The following ERICH1 variants were observed in gnomAD, a reference collection of about 807,000 sequenced individuals.
ERICH1 encodes the protein glutamate-rich protein 1.
ERICH1 carries 56 observed loss-of-function variants against 39.6 expected under a neutral mutation model. The ratio of observed to expected loss-of-function variants is 1.41; its 90% confidence interval spans 1.14 to 1.77. The LOEUF is 1.77. Ranked by LOEUF, ERICH1 falls within the 40% of genes most tolerant of loss-of-function variation. The pLI, the probability that ERICH1 is intolerant of heterozygous loss-of-function variation, is 0.00. For missense variants in ERICH1, 826 were observed against 575.4 expected, an observed-to-expected ratio of 1.44 and a Z score of -4.45; for synonymous variants, 313 against 223.6, an observed-to-expected ratio of 1.40 and a Z score of -3.57.
chr8:682,439 C>T (rs570763604), intron 3 of ERICH1, among the ~76,000 whole-genome samples: 1 of 152,302 alleles, frequency 6.6e-6, no homozygotes, highest in South Asian at 2.1e-4. Flanking sequence ...GGCCCTTTTA[C>T]CCTGTTGCAC....
intron 2 of ERICH1, among the ~76,000 whole-genome samples, chr8:715,214 C>A (rs1249072962): frequency 6.6e-6 from 1 of 151,872 alleles, no homozygotes; most frequent in Admixed American, 6.6e-5. Context: ...GGTCTCTTCT[C>A]GTGTCTCTCA....
Position 684,571 on chromosome 8 carries a change from G to A in ERICH1, c.304+7907C>T, listed in dbSNP as rs943308816. ...TTTCAGTGGTACCACAGAGAAGAGG[G>A]GGGCTCTGAAGCCTGCAGCTTAATT... On this transcript the variant is annotated intron_variant, in intron 3 of 5. Transcript: ENST00000262109. Among the ~76,000 whole-genome samples, 4 of 152,216 alleles carry A rather than the reference G, an allele frequency of 2.6e-5. No individual in the cohort carries two copies. In the East Asian group the frequency reaches 7.7e-4, roughly 29 times the overall value.
chr8:663,163 G>A (rs900963218), downstream of ERICH1, among the ~76,000 whole-genome samples: 1 of 152,368 alleles, frequency 6.6e-6, no homozygotes, highest in Non-Finnish European at 1.5e-5. Context: ...CTTCCAGAAG[G>A]TTCCAACATG....
Position 664,435 on chromosome 8 carries a change from T to C in ERICH1, c.*168A>G. 8.0e-7 allele frequency: 1 copy of C among 1,257,048 alleles called. No homozygotes were observed. The highest frequency in any genetic ancestry group is 1.0e-6 in the Non-Finnish European group (1 of 1,000,010). The allele number at this position is 1,257,048 out of a possible 1,614,324, so 77.9% of individuals were successfully genotyped here. A position where few individuals can be genotyped will look rare whatever the true frequency, so the allele number is the denominator to read the frequency against. On this transcript the variant is annotated 3_prime_UTR_variant, in exon 6 of 6. Coordinates refer to ENST00000262109, the MANE Select transcript of ERICH1 (RefSeq NM_207332.3). ...AAAATTTCCATTTTACCCCAATTTC[T>C]CATCTGAAGCCTCAGATGGCATCTT...
intron 1 of ERICH1, among the ~76,000 whole-genome samples, chr8:720,585 G>C (rs1817081243): frequency 6.6e-6 from 1 of 152,202 alleles, no homozygotes; most frequent in Non-Finnish European, 1.5e-5. Context: ...GTAGGGATTT[G>C]GATGTGCTAA....
At chr8:668,566 G>A (rs1802648424) in intron 5 of ERICH1, 32 bp downstream of exon 5, 1 of 1,612,700 alleles carries the variant, frequency 6.2e-7, no homozygotes, top group Admixed American at 1.7e-5. Flanking sequence ...AGTATCTTAA[G>A]CAGGACCTTG....
chr8:644,836 G>A (rs566876575), intron 3 of ERICH1, among the ~76,000 whole-genome samples: 3 of 68,576 alleles, frequency 4.4e-5, no homozygotes, highest in African/African-American at 7.3e-5. Context: ...TACCAGCAAC[G>A]CCTACATGTG....
intron 5 of ERICH1, among the ~76,000 whole-genome samples, chr8:665,256 C>A (rs1014508660): frequency 6.6e-6 from 1 of 152,124 alleles, no homozygotes; most frequent in Non-Finnish European, 1.5e-5. Context: ...TCTGAGCCCA[C>A]TGGTCCCCGG....
At chr8:718,409 C>A (rs530403091) in intron 1 of ERICH1, among the ~76,000 whole-genome samples, 1 of 152,164 alleles carries the variant, frequency 6.6e-6, no homozygotes, top group African/African-American at 2.4e-5. Context: ...TCACTGAATT[C>A]CATCCACTGC....
At chr8:664,060 G>C (rs529870279), downstream of ERICH1, 1 of 232,994 alleles carries the variant, frequency 4.3e-6, no homozygotes, top group Non-Finnish European at 7.0e-6. Flanking sequence ...CACCCGGCCT[G>C]ACTGATGCTT....
At chr8:627,397 T>G (rs1361639133) in intron 3 of ERICH1, among the ~76,000 whole-genome samples, 1 of 152,220 alleles carries the variant, frequency 6.6e-6, no homozygotes, top group Non-Finnish European at 1.5e-5. Flanking sequence ...CGACTTCACA[T>G]GCCAACTTCA....
At chr8:687,750 C>T (rs1176052061) in intron 3 of ERICH1, among the ~76,000 whole-genome samples, 1 of 152,080 alleles carries the variant, frequency 6.6e-6, no homozygotes, top group Non-Finnish European at 1.5e-5. Flanking sequence ...GGGGAGCGCG[C>T]CAGGCCCGCG....
chr8:651,679 G>A (rs1328000630), intron 3 of ERICH1, among the ~76,000 whole-genome samples: 1 of 141,906 alleles, frequency 7.0e-6, no homozygotes, highest in Non-Finnish European at 1.6e-5. Flanking sequence ...GGGCAGGGTG[G>A]GGGAGAAGAC....
chr8:688,294 C>T (rs1170674068), intron 3 of ERICH1, among the ~76,000 whole-genome samples: 1 of 142,268 alleles, frequency 7.0e-6, no homozygotes, highest in Non-Finnish European at 1.5e-5. Flanking sequence ...CCGCCCCGGC[C>T]CTTCCGCCGC....
At chr8:661,914 G>A (rs939179633), downstream of ERICH1, among the ~76,000 whole-genome samples, 2 of 151,994 alleles carry the variant, frequency 1.3e-5, no homozygotes, top group Admixed American at 1.3e-4. Context: ...ACGGCCACAC[G>A]TGACCCACCA....
chr8:678,745 T>G (rs1805419895), intron 3 of ERICH1, among the ~76,000 whole-genome samples: 1 of 152,164 alleles, frequency 6.6e-6, no homozygotes, highest in African/African-American at 2.4e-5. Context: ...GAGGCGGAGC[T>G]TGCAGTGAGC....
intron 1 of ERICH1, among the ~76,000 whole-genome samples, chr8:728,297 G>C (rs1192330945): frequency 6.6e-6 from 1 of 152,188 alleles, no homozygotes; most frequent in Non-Finnish European, 1.5e-5. Context: ...GTCCTGTATG[G>C]CTCTGCTCAC....
chr8:643,907 C>A lies in ERICH1; in HGVS notation c.976+24691G>T, dbSNP rs192510967. Among the ~76,000 whole-genome samples, 224 of 152,332 alleles carry A rather than the reference C, an allele frequency of 1.5e-3. 1 individual carries two copies. Among genetic ancestry groups the A allele is most frequent in the East Asian group, 9.1e-3 (47 of 5,190 alleles). On this transcript the variant is annotated intron_variant, in intron 3 of 3. Transcript: ENST00000522706. ...CGAAAAAGGAGGCACGGACTCAGCG[C>A]CTGGAGAAACACCCGGAATCGTGCT...
chr8:676,734 C>G (rs1389651743), intron 3 of ERICH1, among the ~76,000 whole-genome samples: 1 of 152,230 alleles, frequency 6.6e-6, no homozygotes, highest in Non-Finnish European at 1.5e-5. Context: ...ACGGCCGGCA[C>G]ACGGCTCCCG....
Sources: gnomAD v4.1 joint callset for allele counts (sites outside exome capture counted in the v4.1 genomes callset) on GRCh38, gnomAD v4.1.1 for gene constraint, MANE v1.5 for transcripts, NCBI Gene and HGNC (gene_info 2026-07-23, HGNC 2026-07-21) for gene names.